Variants in SLC35F3 observed in about 807,000 individuals in gnomAD.
The protein encoded by SLC35F3 is solute carrier family 35 member F3.
SLC35F3 carries 25 observed loss-of-function variants against 49.9 expected under a neutral mutation model. That is an observed-to-expected ratio of 0.50 (90% confidence interval 0.37 to 0.70). The LOEUF (loss-of-function observed/expected upper bound fraction) is 0.70. Ranked by LOEUF, SLC35F3 falls within the 30% of genes least tolerant of loss-of-function variation. The pLI is 0.00. For synonymous variants in SLC35F3, 275 were observed against 265.4 expected (o/e 1.04, Z -0.35); for missense variants, 525 against 639.8 (o/e 0.82, Z 1.94).
At chr1:233,967,254 A>C (rs1350292305) in intron 2 of SLC35F3, among the ~76,000 whole-genome samples, 1 of 150,686 alleles carries the variant, frequency 6.6e-6, no homozygotes, top group Non-Finnish European at 1.5e-5. Context: ...AGCCCCCCCC[A>C]CCCCAAACAT....
intron 3 of SLC35F3, among the ~76,000 whole-genome samples, chr1:234,247,572 T>C (rs1333335166): frequency 6.6e-6 from 1 of 152,168 alleles, no homozygotes; most frequent in Non-Finnish European, 1.5e-5. Flanking sequence ...AGTGGGTTGA[T>C]TGGCTGGTCC....
chr1:234,077,241 T>A (rs1002331700), intron 2 of SLC35F3, among the ~76,000 whole-genome samples: 3 of 151,060 alleles, frequency 2.0e-5, no homozygotes, highest in Non-Finnish European at 4.4e-5. Flanking sequence ...CCTGACCTCA[T>A]GATCCACCCG....
At chr1:234,170,947 T>G (rs907786530) in intron 2 of SLC35F3, among the ~76,000 whole-genome samples, 14 of 152,226 alleles carry the variant, frequency 9.2e-5, no homozygotes, top group African/African-American at 3.4e-4. Context: ...AAATTTAATT[T>G]GCAGACTCAC....
intron 4 of SLC35F3, among the ~76,000 whole-genome samples, chr1:234,309,664 C>T (rs184169305): frequency 2.6e-5 from 4 of 152,368 alleles, no homozygotes; most frequent in African/African-American, 9.6e-5. Flanking sequence ...GGCGGCTTTC[C>T]CGGCTGTAGG....
At chr1:234,276,912 C>T (rs1056985785) in intron 3 of SLC35F3, among the ~76,000 whole-genome samples, 9 of 152,254 alleles carry the variant, frequency 5.9e-5, no homozygotes, top group African/African-American at 1.9e-4. Flanking sequence ...CATCTGGCCT[C>T]TTGCCACTGG....
chr1:233,923,679 A>G (rs1662105686), intron 2 of SLC35F3, among the ~76,000 whole-genome samples: 1 of 152,154 alleles, frequency 6.6e-6, no homozygotes, highest in Admixed American at 6.5e-5. Context: ...AACTTCCAAC[A>G]CTATGTTGAA....
intron 3 of SLC35F3, among the ~76,000 whole-genome samples, chr1:234,245,607 A>T (rs912946701): frequency 7.0e-6 from 1 of 142,854 alleles, no homozygotes; most frequent in Admixed American, 6.9e-5. Flanking sequence ...GCATCAAGGG[A>T]TGGCTTTTCC....
intron 2 of SLC35F3, among the ~76,000 whole-genome samples, chr1:233,968,275 C>T (rs76125925): frequency 2.6e-5 from 4 of 152,188 alleles, no homozygotes; most frequent in Non-Finnish European, 5.9e-5. Flanking sequence ...GGACACAAAT[C>T]ATTTTGGATT....
chr1:234,199,961 G>A (rs1487887857), intron 2 of SLC35F3, among the ~76,000 whole-genome samples: 1 of 152,210 alleles, frequency 6.6e-6, no homozygotes, highest in Non-Finnish European at 1.5e-5. Flanking sequence ...CTGTTAGAAT[G>A]CAGTTACCAA....
chr1:234,079,198 A>G (rs1664839527), intron 2 of SLC35F3, among the ~76,000 whole-genome samples: 1 of 152,226 alleles, frequency 6.6e-6, no homozygotes, highest in African/African-American at 2.4e-5. Context: ...ATTTTCAACA[A>G]GGGTACCAAG....
chr1:234,147,405 T>A (rs79540585), intron 2 of SLC35F3, among the ~76,000 whole-genome samples: 9,319 of 152,238 alleles, frequency 0.061, 443 homozygotes, highest in African/African-American at 0.12. Context: ...TTGTACATAA[T>A]TCTTTATGTT....
chr1:234,222,494 T>A (rs1373104472), intron 2 of SLC35F3, among the ~76,000 whole-genome samples: 1 of 152,138 alleles, frequency 6.6e-6, no homozygotes, highest in African/African-American at 2.4e-5. Context: ...TAACACTCCA[T>A]CCAACCAAAA....
intron 2 of SLC35F3, among the ~76,000 whole-genome samples, chr1:234,004,088 G>A (rs376545837): frequency 2.7e-4 from 41 of 152,226 alleles, no homozygotes; most frequent in African/African-American, 9.6e-4. Context: ...CTTAGAAAGT[G>A]AGTTTTAAAA....
intron 2 of SLC35F3, among the ~76,000 whole-genome samples, chr1:234,120,464 G>A (rs1002637793): frequency 6.6e-6 from 1 of 152,080 alleles, no homozygotes; most frequent in Non-Finnish European, 1.5e-5. Flanking sequence ...TTTGAGAACC[G>A]CAGTTCCTCT....
chr1:234,227,553 C>A (rs112733249), intron 2 of SLC35F3, among the ~76,000 whole-genome samples: 3,257 of 152,184 alleles, frequency 0.021, 50 homozygotes, highest in Non-Finnish European at 0.032. Context: ...TGCCCACCAC[C>A]ACGCCCGGCT....
intron 3 of SLC35F3, among the ~76,000 whole-genome samples, chr1:234,236,166 C>A (rs1667464669): frequency 6.6e-6 from 1 of 152,072 alleles, no homozygotes; most frequent in Non-Finnish European, 1.5e-5. Flanking sequence ...TAGGGCCTGG[C>A]ATGGTGGCTC....
rs114474451 is a variant in SLC35F3, at chr1:234,007,057, T to C, written c.283+101299T>C. Among the ~76,000 whole-genome samples, 544 of 152,252 alleles carry C rather than the reference T, an allele frequency of 3.6e-3. 9 individuals are homozygous for C. The highest frequency in any genetic ancestry group is 0.013 in the African/African-American group (534 of 41,546). Reference sequence around the variant, plus strand: ...AAACAGCCATTGATAACTGCAGCCATAGACGGATGGACCTGGTTGTGTTCC... The same window carrying C: ...AAACAGCCATTGATAACTGCAGCCACAGACGGATGGACCTGGTTGTGTTCC... On this transcript the variant is annotated intron_variant, in intron 2 of 7. Coordinates refer to ENST00000366618, the MANE Select transcript of SLC35F3 (RefSeq NM_173508.4).
At chr1:234,056,875 G>C (rs1352764338) in intron 2 of SLC35F3, among the ~76,000 whole-genome samples, 2 of 152,022 alleles carry the variant, frequency 1.3e-5, no homozygotes, top group Admixed American at 1.3e-4. Flanking sequence ...ATCCTTTTTT[G>C]TGTGGATACC....
intron 2 of SLC35F3, among the ~76,000 whole-genome samples, chr1:234,091,453 C>T (rs959530643): frequency 1.3e-5 from 2 of 152,180 alleles, no homozygotes; most frequent in Non-Finnish European, 2.9e-5. Flanking sequence ...AGGAGGGGAA[C>T]CCTTGGAGGA....
Sources: gnomAD v4.1 joint callset for allele counts (sites outside exome capture counted in the v4.1 genomes callset) on GRCh38, gnomAD v4.1.1 for gene constraint, MANE v1.5 for transcripts, NCBI Gene and HGNC (gene_info 2026-07-23, HGNC 2026-07-21) for gene names.